The following KCNB2 variants were observed in gnomAD, a reference collection of about 807,000 sequenced individuals.
KCNB2 encodes the protein potassium voltage-gated channel subfamily B member 2.
KCNB2 carries 15 observed loss-of-function variants against 61.5 expected under a neutral mutation model. The observed-to-expected ratio is 0.24, with a 90% CI of 0.16 to 0.38. The LOEUF (loss-of-function observed/expected upper bound fraction) is 0.38, where lower values mean the gene tolerates loss of function less well. Ranked by LOEUF, KCNB2 falls within the 10% of genes least tolerant of loss-of-function variation. The pLI is 1.00. For synonymous variants in KCNB2, 457 were observed against 446.0 expected (o/e 1.02, Z -0.31); for missense variants, 828 against 1,125.2 (o/e 0.74, Z 3.78).
intron 2 of KCNB2, among the ~76,000 whole-genome samples, chr8:72,650,797 CA>C (rs776740250): frequency 1.3e-5 from 2 of 152,138 alleles, no homozygotes; most frequent in African/African-American, 2.4e-5. Flanking sequence ...ACCTTGCTTT[CA>C]ATGTCTGTAA....
chr8:72,637,220 A>G (rs894515165), intron 2 of KCNB2, among the ~76,000 whole-genome samples: 1 of 152,196 alleles, frequency 6.6e-6, no homozygotes, highest in African/African-American at 2.4e-5. Context: ...CTGTGTGGCC[A>G]GAATTTAGTA....
Position 72,937,086 on chromosome 8 carries a change from A to G in KCNB2, c.1731A>G (p.Glu577=). 1.2e-6 allele frequency: 2 copies of G among 1,614,188 alleles called. No homozygotes were observed. The highest frequency in any genetic ancestry group is 1.7e-6 in the Non-Finnish European group (2 of 1,180,024). ...CATATGAAGAAGAGATTGAAATGGA[A>G]GAAGTGGTGTGTCCACAGGAGCAGC... ...PSAYEEEIEM[E]EVVCPQEQLA... The change falls in exon 3 of 3, where the codon GAA becomes GAG. Residue 577 remains glutamate, a synonymous_variant. Transcript: ENST00000523207.
At chr8:72,729,557 A>T (rs758317737) in intron 2 of KCNB2, among the ~76,000 whole-genome samples, 1 of 152,176 alleles carries the variant, frequency 6.6e-6, no homozygotes, top group Non-Finnish European at 1.5e-5. Flanking sequence ...GTACGAAGAC[A>T]GTTGACAATG....
intron 2 of KCNB2, among the ~76,000 whole-genome samples, chr8:72,648,612 A>C (rs1367689471): frequency 2.6e-5 from 4 of 151,066 alleles, no homozygotes; most frequent in African/African-American, 7.3e-5. Context: ...AGTTTTGAGT[A>C]AAATATTAAC....
chr8:72,801,356 T>C (rs2128999609), intron 2 of KCNB2, among the ~76,000 whole-genome samples: 1 of 152,336 alleles, frequency 6.6e-6, no homozygotes, highest in Non-Finnish European at 1.5e-5. Flanking sequence ...ACATGCTCAC[T>C]GATCAGCTCT....
At chr8:72,771,908 C>T (rs1452199790) in intron 2 of KCNB2, among the ~76,000 whole-genome samples, 1 of 152,174 alleles carries the variant, frequency 6.6e-6, no homozygotes, top group Non-Finnish European at 1.5e-5. Flanking sequence ...GAGATATCCT[C>T]AGCACAGATT....
intron 2 of KCNB2, among the ~76,000 whole-genome samples, chr8:72,633,514 G>C (rs1805914866): frequency 2.0e-5 from 3 of 152,098 alleles, no homozygotes; most frequent in Admixed American, 2.0e-4. Context: ...GTGTCTTTCA[G>C]GGGCCATTCT....
intron 2 of KCNB2, among the ~76,000 whole-genome samples, chr8:72,612,865 C>A (rs1374367930): frequency 6.6e-6 from 1 of 152,024 alleles, no homozygotes; most frequent in Non-Finnish European, 1.5e-5. Flanking sequence ...CAGGAATGTT[C>A]TTTTCAGTAG....
intron 2 of KCNB2, among the ~76,000 whole-genome samples, chr8:72,781,572 G>T (rs1808755408): frequency 6.6e-6 from 1 of 152,074 alleles, no homozygotes; most frequent in African/African-American, 2.4e-5. Flanking sequence ...AGGTCTATGT[G>T]TCTGTTTTTG....
chr8:72,908,540 C>T (rs1482016), intron 2 of KCNB2, among the ~76,000 whole-genome samples: 34,096 of 152,080 alleles, frequency 0.22, 4,099 homozygotes, highest in Admixed American at 0.29. Flanking sequence ...TTCCTTCCAA[C>T]AGCTCATAGC....
chr8:72,625,831 A>T (rs923896732), intron 2 of KCNB2, among the ~76,000 whole-genome samples: 3 of 152,182 alleles, frequency 2.0e-5, no homozygotes, highest in African/African-American at 7.2e-5. Context: ...GAATGGGAGG[A>T]CAGGGGTTGT....
At chr8:72,563,342 A>G (rs894375876) in intron 1 of KCNB2, among the ~76,000 whole-genome samples, 1 of 152,148 alleles carries the variant, frequency 6.6e-6, no homozygotes, top group African/African-American at 2.4e-5. Context: ...TCAATTAGCA[A>G]TTGAGGGCAA....
chr8:72,848,467 T>C (rs1417212807), intron 2 of KCNB2, among the ~76,000 whole-genome samples: 1 of 152,142 alleles, frequency 6.6e-6, no homozygotes, highest in Admixed American at 6.5e-5. Context: ...TAAAGAATAA[T>C]AATAAATAAA....
intron 2 of KCNB2, among the ~76,000 whole-genome samples, chr8:72,773,842 G>A (rs959332768): frequency 5.3e-5 from 8 of 152,100 alleles, no homozygotes; most frequent in Admixed American, 1.3e-4. Context: ...GCAACTACAA[G>A]TTGCTCATTC....
chr8:72,695,885 T>C (rs1250466131), intron 2 of KCNB2, among the ~76,000 whole-genome samples: 1 of 152,232 alleles, frequency 6.6e-6, no homozygotes, highest in African/African-American at 2.4e-5. Flanking sequence ...GCATCTGTTA[T>C]GTATTTTCCA....
intron 2 of KCNB2, among the ~76,000 whole-genome samples, chr8:72,799,984 T>C (rs1356775495): frequency 1.3e-5 from 2 of 152,070 alleles, no homozygotes; most frequent in South Asian, 2.1e-4. Context: ...TAAGAGAACA[T>C]TGGGCTAGCT....
intron 2 of KCNB2, among the ~76,000 whole-genome samples, chr8:72,608,334 C>T (rs1218499075): frequency 6.6e-6 from 1 of 152,084 alleles, no homozygotes; most frequent in Non-Finnish European, 1.5e-5. Context: ...AGGACTTGTT[C>T]TGACTGCTGT....
intron 2 of KCNB2, among the ~76,000 whole-genome samples, chr8:72,796,351 C>A (rs1046831458): frequency 6.6e-6 from 1 of 152,000 alleles, no homozygotes; most frequent in African/African-American, 2.4e-5. Flanking sequence ...AAGACATGAT[C>A]TTATGTATTA....
intron 1 of KCNB2, among the ~76,000 whole-genome samples, chr8:72,540,248 T>C (rs1806170499): frequency 6.6e-6 from 1 of 152,146 alleles, no homozygotes; most frequent in Non-Finnish European, 1.5e-5. Flanking sequence ...CCTTTAAAAC[T>C]TGCTATCTCT....
Sources: allele counts gnomAD v4.1 joint callset (sites outside exome capture counted in the v4.1 genomes callset), GRCh38; gene constraint gnomAD v4.1.1; transcripts MANE v1.5; gene names NCBI Gene and HGNC (gene_info 2026-07-23, HGNC 2026-07-21).